Variants in RIMS4 observed in about 807,000 individuals in gnomAD.
RIMS4 encodes the protein regulating synaptic membrane exocytosis 4.
A neutral mutation model predicts 29.0 loss-of-function variants in RIMS4; 9 were observed. The observed-to-expected ratio is 0.31, with a 90% CI of 0.19 to 0.54. The LOEUF (loss-of-function observed/expected upper bound fraction) is 0.54, where lower values mean the gene tolerates loss of function less well. Among genes scored for constraint, RIMS4 ranks in the 20% least tolerant of loss-of-function variants. The pLI, the probability that RIMS4 is intolerant of heterozygous loss-of-function variation, is 0.94. For synonymous variants in RIMS4, 130 were observed against 152.9 expected (o/e 0.85, Z 1.10); for missense variants, 193 against 365.7 (o/e 0.53, Z 3.85).
chr20:44,760,008 C>A lies in RIMS4; in HGVS notation c.237-1824G>T, dbSNP rs73907554. 7.7e-3 allele frequency among the ~76,000 whole-genome samples: 1,167 copies of A among 152,302 alleles called. 15 individuals carry two copies. Among genetic ancestry groups the A allele is most frequent in the African/African-American group, 0.027 (1,121 of 41,554 alleles). ...TGGCTGCCTCAGAGAAGGAATGACC[C>A]AGCAGGAGGTAGAGAGCAAGAGACT... On this transcript the variant is annotated intron_variant, in intron 2 of 5. Coordinates refer to ENST00000372851, the MANE Select transcript of RIMS4 (RefSeq NM_182970.4).
intron 2 of RIMS4, among the ~76,000 whole-genome samples, chr20:44,769,623 TTCC>T (rs376688441): frequency 2.0e-5 from 3 of 152,044 alleles, no homozygotes; most frequent in African/African-American, 4.8e-5. Context: ...ACTGGCTCCC[TTCC>T]TCCTCCTCCT....
chr20:44,771,334 C>T lies in RIMS4; in HGVS notation c.177G>A (p.Leu59=). The change falls in exon 2 of 6, where the codon CTG becomes CTA. Residue 59 remains leucine (L), a synonymous_variant. Transcript: ENST00000372851. The stretch of plus-strand genomic sequence containing the variant: ...CAATGGACTCGTGGCTGGCCTGGCG[C>T]AGTGTCCGGCTGGGCATCTCCACTG... ...GLAVEMPSRT[L]RQASHESIED... 1 of 1,613,996 alleles carries T rather than the reference C, an allele frequency of 6.2e-7. No individual in the cohort carries two copies. The highest frequency in any genetic ancestry group is 1.1e-5 in the South Asian group (1 of 91,078).
chr20:44,774,264 G>A (rs999080196), intron 1 of RIMS4, among the ~76,000 whole-genome samples: 2 of 152,156 alleles, frequency 1.3e-5, no homozygotes, highest in Non-Finnish European at 2.9e-5. Context: ...AAATGTCACT[G>A]TGATTGTTAA....
rs981474162 is a variant in RIMS4, at chr20:44,753,578, A to T, written c.*2556T>A. ...CCAGCCTCTCTGCTCCTCTTCAAAC[A>T]GTGCAGCCTGAGTCAGCAAGGGGCC... is the stretch of plus-strand genomic sequence containing the variant. On this transcript the variant is annotated 3_prime_UTR_variant, in exon 6 of 6. Transcript: ENST00000372851. 3 of 152,260 alleles carry T rather than the reference A, an allele frequency of 2.0e-5. No homozygotes were observed. Among genetic ancestry groups the T allele is most frequent in the African/African-American group, 7.2e-5 (3 of 41,404 alleles). 9.4% of individuals were successfully genotyped at this position (152,260 alleles called of 1,614,324 possible). A position where few individuals can be genotyped will look rare whatever the true frequency, so the allele number is the denominator to read the frequency against.
chr20:44,772,880 T>C (rs185220393), intron 1 of RIMS4, among the ~76,000 whole-genome samples: 1 of 152,328 alleles, frequency 6.6e-6, no homozygotes, highest in Non-Finnish European at 1.5e-5. Context: ...GCCGGCCTTC[T>C]CCTGGCCTCC....
intron 1 of RIMS4, 32 bp downstream of exon 1, chr20:44,810,143 C>A (rs774009546): frequency 1.1e-5 from 16 of 1,459,788 alleles, no homozygotes; most frequent in Non-Finnish European, 1.5e-5. Flanking sequence ...CCGGGACACC[C>A]CGGGGGTCTG....
At position 44,753,404 on chromosome 20, in the gene RIMS4, T is replaced by C. The variant is rs1048214386; in HGVS notation, c.*2730A>G. 1 of 152,172 alleles carries C rather than the reference T, an allele frequency of 6.6e-6. No individual in the cohort carries two copies. The highest frequency in any genetic ancestry group is 2.4e-5 in the African/African-American group (1 of 41,418). The allele number at this position is 152,172 out of a possible 1,614,324, so 9.4% of individuals were successfully genotyped here. ...GATTTCCTTGTCTGTAAAATGGAAA[T>C]GGACTAATGGTCCCAAAGGCCCTTC... On this transcript the variant is annotated 3_prime_UTR_variant, in exon 6 of 6. Transcript: ENST00000372851.
intron 1 of RIMS4, among the ~76,000 whole-genome samples, chr20:44,796,976 C>T (rs1568906227): frequency 1.3e-5 from 2 of 152,228 alleles, no homozygotes; most frequent in Non-Finnish European, 2.9e-5. Context: ...AACCCCTTGT[C>T]CTAGCCCAGT....
At chr20:44,808,230 T>C (rs564392228) in intron 1 of RIMS4, among the ~76,000 whole-genome samples, 2 of 152,212 alleles carry the variant, frequency 1.3e-5, no homozygotes, top group African/African-American at 4.8e-5. Context: ...AGTGAAATAC[T>C]AAAGAATTTC....
At chr20:44,771,199 AG>A in intron 2 of RIMS4, 75 bp downstream of exon 2, 2 of 1,520,580 alleles carry the variant, frequency 1.3e-6, no homozygotes, top group Non-Finnish European at 1.8e-6. Flanking sequence ...GGGCTCCCAG[AG>A]GGGTTGCTCA....
intron 1 of RIMS4, among the ~76,000 whole-genome samples, chr20:44,798,922 C>T (rs1156666120): frequency 6.6e-6 from 1 of 152,240 alleles, no homozygotes; most frequent in Non-Finnish European, 1.5e-5. Context: ...ACAGTGGAAA[C>T]AGGAGTGAAG....
At chr20:44,805,891 C>T (rs1267996564) in intron 1 of RIMS4, among the ~76,000 whole-genome samples, 1 of 152,204 alleles carries the variant, frequency 6.6e-6, no homozygotes, top group East Asian at 1.9e-4. Context: ...ATCGCCGCCT[C>T]ATCACCCAGA....
At chr20:44,790,810 T>C (rs1255173930) in intron 1 of RIMS4, among the ~76,000 whole-genome samples, 1 of 152,240 alleles carries the variant, frequency 6.6e-6, no homozygotes, top group Non-Finnish European at 1.5e-5. Flanking sequence ...GGGCTATTTA[T>C]AGCTCACAAG....
chr20:44,799,997 C>T (rs146092694), intron 1 of RIMS4, among the ~76,000 whole-genome samples: 3 of 152,252 alleles, frequency 2.0e-5, no homozygotes, highest in Non-Finnish European at 2.9e-5. Context: ...ATGATAAGCC[C>T]GTTTTGCGAT....
intron 1 of RIMS4, among the ~76,000 whole-genome samples, chr20:44,784,156 T>A (rs1029956185): frequency 2.0e-5 from 3 of 152,132 alleles, no homozygotes; most frequent in Non-Finnish European, 4.4e-5. Flanking sequence ...CAAGGCCAAC[T>A]TGTACAGTCT....
chr20:44,757,539 T>A (rs1185967290), intron 4 of RIMS4, 131 bp downstream of exon 4: 13 of 708,454 alleles, frequency 1.8e-5, no homozygotes, highest in Non-Finnish European at 2.8e-5. Context: ...CAATTCCACA[T>A]AAGACATCAG....
chr20:44,780,463 A>G (rs146500757), intron 1 of RIMS4, among the ~76,000 whole-genome samples: 11 of 152,344 alleles, frequency 7.2e-5, no homozygotes, highest in African/African-American at 2.6e-4. Flanking sequence ...TTCAAACCAC[A>G]ATTCCTTCCC....
At chr20:44,789,092 C>T (rs1439332916) in intron 1 of RIMS4, among the ~76,000 whole-genome samples, 1 of 151,600 alleles carries the variant, frequency 6.6e-6, no homozygotes, top group Non-Finnish European at 1.5e-5. Context: ...ATGAGGACAC[C>T]GAGACACAGC....
rs561218531 is a variant in RIMS4 at position 44,756,785 on chromosome 20, C to T, written c.591+113G>A. Reference sequence around the variant, plus strand: ...GAACTGAGGGCCTCGCCTGTTTCCTCCAGGCGAGGCCCTCCAGAGACACCC... The same window carrying T: ...GAACTGAGGGCCTCGCCTGTTTCCTTCAGGCGAGGCCCTCCAGAGACACCC... On this transcript the variant is annotated intron_variant, in intron 5 of 5. Coordinates refer to ENST00000372851, the MANE Select transcript of RIMS4 (RefSeq NM_182970.4). The surrounding 1 kb of genome is among the most constrained non-coding windows in gnomAD (Gnocchi z 5.9). 1.2e-4 allele frequency: 126 copies of T among 1,008,384 alleles called. No homozygotes were observed. In the African/African-American group the frequency reaches 1.8e-3, roughly 14 times the overall value. The allele number at this position is 1,008,384 out of a possible 1,614,324, so 62.5% of individuals were successfully genotyped here. A position where few individuals can be genotyped will look rare whatever the true frequency, so the allele number is the denominator to read the frequency against.
Sources: allele counts gnomAD v4.1 joint callset (sites outside exome capture counted in the v4.1 genomes callset), GRCh38; gene constraint gnomAD v4.1.1; non-coding constraint Gnocchi (gnomAD v3.1); transcripts MANE v1.5; gene names NCBI Gene and HGNC (gene_info 2026-07-23, HGNC 2026-07-21).